Variants in CHCHD6 observed in about 807,000 individuals in gnomAD.
CHCHD6 encodes coiled-coil-helix-coiled-coil-helix domain containing 6.
Under a neutral mutation model 32.3 loss-of-function variants are expected in CHCHD6, and 28 were observed. The ratio of observed to expected loss-of-function variants is 0.87; its 90% CI spans 0.64 to 1.19. The LOEUF (loss-of-function observed/expected upper bound fraction) is 1.19, where lower values mean the gene tolerates loss of function less well. Ranked by LOEUF, CHCHD6 falls within the 50% of genes most tolerant of loss-of-function variation. The pLI is 0.00. For synonymous variants in CHCHD6, 122 were observed against 117.5 expected (o/e 1.04, Z -0.25); for missense variants, 333 against 307.0 (o/e 1.08, Z -0.63).
rs547847217 is a variant in CHCHD6 at position 126,781,109 on chromosome 3, G to C, written c.411+47887G>C. Among the ~76,000 whole-genome samples the C allele has an allele frequency of 2.6e-5, 4 of 152,300 alleles. No homozygotes were observed. In the South Asian group the frequency reaches 8.3e-4, roughly 32 times the overall value. On this transcript the variant is annotated intron_variant, in intron 4 of 7. Transcript: ENST00000290913. ...ATTGGGCACAGCTTCCCCTGAGGCT[G>C]CCAGAAGAGCCTGCCTTTCCTGAGA...
At chr3:126,805,299 A>AC in intron 4 of CHCHD6, among the ~76,000 whole-genome samples, 1 of 151,972 alleles carries the variant, frequency 6.6e-6, no homozygotes, top group Non-Finnish European at 1.5e-5. Context: ...TATCTAGAAA[A>AC]CCCCATCATC....
intron 4 of CHCHD6, among the ~76,000 whole-genome samples, chr3:126,754,053 C>G (rs948245504): frequency 6.6e-6 from 1 of 152,208 alleles, no homozygotes; most frequent in Non-Finnish European, 1.5e-5. Flanking sequence ...TTACCCTGAT[C>G]TGTAATCTCT....
chr3:126,783,526 G>A (rs1938051637), intron 4 of CHCHD6, among the ~76,000 whole-genome samples: 1 of 152,204 alleles, frequency 6.6e-6, no homozygotes, highest in Admixed American at 6.5e-5. Context: ...TGCAAATGAA[G>A]TGGTCTTATA....
chr3:126,953,429 G>C (rs2078743715), intron 6 of CHCHD6, among the ~76,000 whole-genome samples: 1 of 152,130 alleles, frequency 6.6e-6, no homozygotes, highest in African/African-American at 2.4e-5. Context: ...CCCTACGTTG[G>C]CAGTTCCACC....
chr3:126,901,743 A>G (rs1399757374), intron 5 of CHCHD6, among the ~76,000 whole-genome samples: 1 of 152,218 alleles, frequency 6.6e-6, no homozygotes, highest in Non-Finnish European at 1.5e-5. Context: ...AAATTATGCC[A>G]TGTGAGGAAG....
intron 3 of CHCHD6, among the ~76,000 whole-genome samples, chr3:126,731,343 C>T (rs1249283957): frequency 6.6e-6 from 1 of 152,014 alleles, no homozygotes; most frequent in Non-Finnish European, 1.5e-5. Context: ...TGCTTCCTGT[C>T]GCCGGAGAAG....
intron 4 of CHCHD6, among the ~76,000 whole-genome samples, chr3:126,790,513 T>A (rs1938474499): frequency 6.6e-6 from 1 of 152,192 alleles, no homozygotes; most frequent in African/African-American, 2.4e-5. Flanking sequence ...TTGGAGGCTT[T>A]TTTCATTTCT....
intron 5 of CHCHD6, among the ~76,000 whole-genome samples, chr3:126,898,163 G>A (rs535084897): frequency 6.6e-6 from 1 of 152,362 alleles, no homozygotes; most frequent in South Asian, 2.1e-4. Context: ...CCGCCAGCCC[G>A]GCTCGCACCC....
intron 5 of CHCHD6, among the ~76,000 whole-genome samples, chr3:126,888,965 T>C (rs1022321358): frequency 6.6e-6 from 1 of 152,174 alleles, no homozygotes; most frequent in African/African-American, 2.4e-5. Context: ...GGCCTTCCGG[T>C]TGTCTCTATA....
chr3:126,836,919 G>A (rs775987936), intron 4 of CHCHD6, among the ~76,000 whole-genome samples: 2 of 152,192 alleles, frequency 1.3e-5, no homozygotes, highest in Non-Finnish European at 2.9e-5. Flanking sequence ...TGCTCTTCCT[G>A]AGGAGAAATG....
intron 5 of CHCHD6, among the ~76,000 whole-genome samples, chr3:126,887,737 T>C (rs187658673): frequency 3.3e-5 from 5 of 152,284 alleles, no homozygotes; most frequent in African/African-American, 1.2e-4. Context: ...ACACCGTGCA[T>C]TGGGCCACAT....
chr3:126,939,047 T>C (rs2078522171), intron 6 of CHCHD6, among the ~76,000 whole-genome samples: 2 of 152,210 alleles, frequency 1.3e-5, no homozygotes, highest in Non-Finnish European at 2.9e-5. Flanking sequence ...GGTTATCTCA[T>C]TTATGACTCT....
At chr3:126,915,806 T>A (rs11918288) in intron 6 of CHCHD6, among the ~76,000 whole-genome samples, 87,200 of 152,042 alleles carry the variant, frequency 0.57, 26,321 homozygotes, top group Non-Finnish European at 0.67. Context: ...GGGGTCTCTT[T>A]TTGAGGCAGG....
At chr3:126,818,087 G>A (rs891915244) in intron 4 of CHCHD6, among the ~76,000 whole-genome samples, 5 of 152,176 alleles carry the variant, frequency 3.3e-5, no homozygotes, top group African/African-American at 1.2e-4. Flanking sequence ...AGCAAAGTCT[G>A]GCAGGGGAAG....
chr3:126,900,990 G>A (rs1344917198), intron 5 of CHCHD6, among the ~76,000 whole-genome samples: 1 of 152,008 alleles, frequency 6.6e-6, no homozygotes, highest in Non-Finnish European at 1.5e-5. Flanking sequence ...TGGGGGATCC[G>A]CCCTCATGAT....
In CHCHD6 at chr3:126,852,737, C is replaced by T; in HGVS notation, c.495+7C>T. 2.5e-6 allele frequency: 4 copies of T among 1,600,636 alleles called. No individual in the cohort carries two copies. Among genetic ancestry groups the T allele is most frequent in the African/African-American group, 2.7e-5 (2 of 74,754 alleles). On this transcript the variant is annotated splice_region_variant and intron_variant, in intron 5 of 7. Coordinates refer to ENST00000290913, the MANE Select transcript of CHCHD6 (RefSeq NM_032343.3). ...GGAGCGTATTGAGAGGAAGGTAAGA[C>T]TCCTGCTTGGCTGCATTCCTCGGGG...
At chr3:126,850,082 AT>A (rs796546939) in intron 4 of CHCHD6, among the ~76,000 whole-genome samples, 15 of 152,124 alleles carry the variant, frequency 9.9e-5, no homozygotes, top group African/African-American at 3.6e-4. Flanking sequence ...TTCTACAGCC[AT>A]TTTTCGTGTC....
At chr3:126,798,561 G>A (rs796173266) in intron 4 of CHCHD6, among the ~76,000 whole-genome samples, 17 of 152,064 alleles carry the variant, frequency 1.1e-4, no homozygotes, top group African/African-American at 3.4e-4. Context: ...GCATCCTCTC[G>A]GCTCCCCGAT....
intron 4 of CHCHD6, among the ~76,000 whole-genome samples, chr3:126,849,596 T>A (rs1359127215): frequency 6.6e-6 from 1 of 152,088 alleles, no homozygotes; most frequent in Non-Finnish European, 1.5e-5. Context: ...TATATTAGAG[T>A]CAACATTCTT....
Sources: gnomAD v4.1 joint callset for allele counts (sites outside exome capture counted in the v4.1 genomes callset) on GRCh38, gnomAD v4.1.1 for gene constraint, MANE v1.5 for transcripts, NCBI Gene and HGNC (gene_info 2026-07-23, HGNC 2026-07-21) for gene names.